The following CNTN5 variants were observed in gnomAD, a reference collection of about 807,000 sequenced individuals.
CNTN5 encodes the protein contactin 5.
In CNTN5, 77 loss-of-function variants were observed where a neutral mutation model predicts 129.1. The ratio of observed to expected loss-of-function variants is 0.60; its 90% CI spans 0.50 to 0.72. The LOEUF (loss-of-function observed/expected upper bound fraction) is 0.72. Among genes scored for constraint, CNTN5 ranks in the 30% least tolerant of loss-of-function variants. The pLI is 0.00. For synonymous variants in CNTN5, 509 were observed against 465.6 expected, an observed-to-expected ratio of 1.09 and a Z score of -1.20; for missense variants, 1,478 against 1,328.8, an observed-to-expected ratio of 1.11 and a Z score of -1.75.
At chr11:99,285,224 C>A (rs936335476) in intron 1 of CNTN5, among the ~76,000 whole-genome samples, 20 of 152,058 alleles carry the variant, frequency 1.3e-4, no homozygotes, top group Non-Finnish European at 2.2e-4. Flanking sequence ...TTTGTTATTG[C>A]ACGTCTACTG....
intron 1 of CNTN5, among the ~76,000 whole-genome samples, chr11:99,162,822 A>T (rs1219205678): frequency 6.6e-6 from 1 of 152,214 alleles, no homozygotes; most frequent in Non-Finnish European, 1.5e-5. Context: ...CTGTATAAAT[A>T]AATGATCAGT....
At chr11:99,242,045 G>T (rs1236735327) in intron 1 of CNTN5, among the ~76,000 whole-genome samples, 1 of 152,106 alleles carries the variant, frequency 6.6e-6, no homozygotes, top group Non-Finnish European at 1.5e-5. Context: ...ATTTAATTAT[G>T]ATGGTAAATG....
intron 2 of CNTN5, among the ~76,000 whole-genome samples, chr11:99,488,315 G>A (rs1332894289): frequency 6.6e-6 from 1 of 151,846 alleles, no homozygotes; most frequent in Non-Finnish European, 1.5e-5. Flanking sequence ...TGCAACTATA[G>A]GCATGCACCA....
intron 3 of CNTN5, among the ~76,000 whole-genome samples, chr11:99,596,867 T>C (rs1416670547): frequency 2.0e-5 from 3 of 152,166 alleles, no homozygotes; most frequent in African/African-American, 7.2e-5. Context: ...TTATATTGGG[T>C]TGAAATAGGC....
At chr11:100,141,383 A>G (rs1175400784) in intron 13 of CNTN5, among the ~76,000 whole-genome samples, 1 of 149,088 alleles carries the variant, frequency 6.7e-6, no homozygotes, top group Non-Finnish European at 1.5e-5. Flanking sequence ...TGAGGAACAC[A>G]CGAACAGTTG....
intron 2 of CNTN5, among the ~76,000 whole-genome samples, chr11:99,546,156 T>C (rs951594467): frequency 6.6e-6 from 1 of 152,190 alleles, no homozygotes. Context: ...TCTGTAATGA[T>C]GGAATGTCAT....
intron 2 of CNTN5, among the ~76,000 whole-genome samples, chr11:99,397,733 A>C (rs1036253811): frequency 6.6e-6 from 1 of 151,730 alleles, no homozygotes; most frequent in Non-Finnish European, 1.5e-5. Flanking sequence ...CTGGTATTAC[A>C]AGATGTTTCA....
intron 13 of CNTN5, among the ~76,000 whole-genome samples, chr11:100,163,215 G>A (rs1391547357): frequency 6.6e-6 from 1 of 151,718 alleles, no homozygotes; most frequent in Non-Finnish European, 1.5e-5. Flanking sequence ...TTAAGATTGA[G>A]ACATAATAGC....
At chr11:99,495,352 A>G (rs142575942) in intron 2 of CNTN5, among the ~76,000 whole-genome samples, 2,433 of 152,294 alleles carry the variant, frequency 0.016, 100 homozygotes, top group Admixed American at 0.091. Flanking sequence ...TGGGCAACAG[A>G]GCGAGACTTT....
At chr11:100,199,396 T>G (rs945126309) in intron 15 of CNTN5, among the ~76,000 whole-genome samples, 2 of 151,882 alleles carry the variant, frequency 1.3e-5, no homozygotes, top group Non-Finnish European at 2.9e-5. Flanking sequence ...GCTGGCAACC[T>G]AGTAATCCAC....
chr11:99,226,700 A>T (rs935348309), intron 1 of CNTN5, among the ~76,000 whole-genome samples: 1 of 151,956 alleles, frequency 6.6e-6, no homozygotes. Flanking sequence ...CTAAATAATA[A>T]GTTCCTAATA....
intron 3 of CNTN5, among the ~76,000 whole-genome samples, chr11:99,714,310 G>GA (rs1469016118): frequency 2.0e-5 from 3 of 151,704 alleles, no homozygotes; most frequent in South Asian, 2.1e-4. Context: ...ATACATCCCA[G>GA]AAAAAATGAG....
At chr11:99,411,452 G>A (rs1474016620) in intron 2 of CNTN5, among the ~76,000 whole-genome samples, 1 of 152,158 alleles carries the variant, frequency 6.6e-6, no homozygotes, top group Non-Finnish European at 1.5e-5. Context: ...CCTGGGAAAT[G>A]GAGGTTGCAG....
chr11:99,269,355 T>C (rs564640814), intron 1 of CNTN5, among the ~76,000 whole-genome samples: 2 of 151,918 alleles, frequency 1.3e-5, no homozygotes, highest in Admixed American at 6.6e-5. Context: ...CCTGATTTTT[T>C]TTTTTAAATC....
chr11:99,987,066 G>A (rs1352657570), intron 8 of CNTN5, among the ~76,000 whole-genome samples: 1 of 151,872 alleles, frequency 6.6e-6, no homozygotes, highest in Non-Finnish European at 1.5e-5. Flanking sequence ...ATTATTTTAA[G>A]TATCCCACAA....
At chr11:100,112,094 C>T (rs1238925426) in intron 13 of CNTN5, among the ~76,000 whole-genome samples, 1 of 152,086 alleles carries the variant, frequency 6.6e-6, no homozygotes, top group Admixed American at 6.6e-5. Flanking sequence ...CTAGGTGTGG[C>T]CATATGACGT....
At chr11:100,242,082 A>C (rs569246223) in intron 16 of CNTN5, among the ~76,000 whole-genome samples, 2 of 152,070 alleles carry the variant, frequency 1.3e-5, no homozygotes, top group African/African-American at 4.8e-5. Flanking sequence ...GTTCCTTGCT[A>C]TTGCCTTCTA....
chr11:99,805,000 G>C (rs1946225670), intron 3 of CNTN5, among the ~76,000 whole-genome samples: 2 of 152,002 alleles, frequency 1.3e-5, no homozygotes, highest in African/African-American at 4.8e-5. Context: ...ATCTATTTGA[G>C]AAACCATAGG....
rs190037743 is a variant in CNTN5 at position 99,386,797 on chromosome 11, A to C, written c.-71+61313A>C. ...AAAATAATTGAACAAAAATCTCAGC[A>C]CTTAGGAGCCAGATATAGGGAAACA... On this transcript the variant is annotated intron_variant, in intron 2 of 24. Transcript: ENST00000524871. Among the ~76,000 whole-genome samples, 345 of 152,230 alleles carry C rather than the reference A, an allele frequency of 2.3e-3. 5 individuals carry two copies. The highest frequency in any genetic ancestry group is 8.3e-4 in the South Asian group (4 of 4,814).
Sources: allele counts gnomAD v4.1 joint callset (sites outside exome capture counted in the v4.1 genomes callset), GRCh38; gene constraint gnomAD v4.1.1; transcripts MANE v1.5; gene names NCBI Gene and HGNC (gene_info 2026-07-23, HGNC 2026-07-21).